Variants in PCDHGA2 observed in about 807,000 individuals in gnomAD.
The protein encoded by PCDHGA2 is protocadherin gamma-A2.
In PCDHGA2, 40 loss-of-function variants were observed where a neutral mutation model predicts 59.2. The observed-to-expected ratio is 0.68, with a 90% CI of 0.52 to 0.88. PCDHGA2 has a LOEUF of 0.88. Among genes scored for constraint, PCDHGA2 ranks in the 40% least tolerant of loss-of-function variants. The pLI is 0.00. For synonymous variants in PCDHGA2, 560 were observed against 526.0 expected, an observed-to-expected ratio of 1.06 and a Z score of -0.89; for missense variants, 1,226 against 1,204.0, an observed-to-expected ratio of 1.02 and a Z score of -0.27.
intron 1 of PCDHGA2, among the ~76,000 whole-genome samples, chr5:141,436,478 A>G (rs1360229764): frequency 2.0e-5 from 3 of 152,220 alleles, no homozygotes; most frequent in Non-Finnish European, 4.4e-5. Context: ...TGTATCATAG[A>G]AGGATAGCAG....
chr5:141,379,154 T>A (rs1446393150), intron 1 of PCDHGA2: 4 of 152,232 alleles, frequency 2.6e-5, no homozygotes, highest in Non-Finnish European at 5.9e-5. Context: ...GTAACCTGAC[T>A]TTGTCAGTCT....
chr5:141,438,627 TATATATATACACAC>T (rs1407400493), intron 1 of PCDHGA2, among the ~76,000 whole-genome samples: 2,053 of 47,724 alleles, frequency 0.043, 22 homozygotes, highest in African/African-American at 0.13. Context: ...TATATATATA[TATATATATACACAC>T]ACACACACAC....
At chr5:141,451,653 G>A (rs1440576814) in intron 1 of PCDHGA2, among the ~76,000 whole-genome samples, 2 of 152,166 alleles carry the variant, frequency 1.3e-5, no homozygotes, top group Non-Finnish European at 2.9e-5. Context: ...AGGCCAAGGA[G>A]GGTGGACTGC....
intron 1 of PCDHGA2, chr5:141,371,564 C>T (rs1767846992): frequency 6.2e-7 from 1 of 1,613,818 alleles, no homozygotes; most frequent in Non-Finnish European, 8.5e-7. Context: ...AAGGAAACTT[C>T]CCCTTTAAAA....
intron 1 of PCDHGA2, chr5:141,375,832 G>A (rs1771947844): frequency 2.5e-6 from 4 of 1,614,028 alleles, no homozygotes; most frequent in Non-Finnish European, 3.4e-6. Context: ...GCTCCGCAGA[G>A]CCCGGCTACC....
intron 1 of PCDHGA2, chr5:141,418,379 C>T: frequency 6.2e-7 from 1 of 1,613,966 alleles, no homozygotes; most frequent in Non-Finnish European, 8.5e-7. Flanking sequence ...CCAACTAAGT[C>T]CTAACGAGTA....
At chr5:141,394,019 T>C in intron 1 of PCDHGA2, 1 of 1,613,522 alleles carries the variant, frequency 6.2e-7, no homozygotes, top group Non-Finnish European at 8.5e-7. Flanking sequence ...GTAATTATTA[T>C]AGATTAGTGA....
intron 1 of PCDHGA2, chr5:141,396,092 A>G (rs1589275874): frequency 6.6e-6 from 1 of 152,314 alleles, no homozygotes; most frequent in East Asian, 1.9e-4. Context: ...AAGTGGTGAG[A>G]ATGTTGATAT....
At chr5:141,366,457 C>A (rs747734622) in intron 1 of PCDHGA2, 11 of 1,614,106 alleles carry the variant, frequency 6.8e-6, no homozygotes, top group Non-Finnish European at 6.8e-6. Flanking sequence ...CCTTCGTCAT[C>A]GTGCTGCTGG....
chr5:141,444,044 T>C (rs188266846), intron 1 of PCDHGA2, among the ~76,000 whole-genome samples: 1 of 152,098 alleles, frequency 6.6e-6, no homozygotes, highest in East Asian at 1.9e-4. Flanking sequence ...ATCAGATAAT[T>C]TGGCATCTTC....
rs748017565 is a variant in PCDHGA2 at position 141,477,404 on chromosome 5, C to G, written c.2425-17403C>G. ...AGAATACAACCTCAGCATCACCGCCCGAGACGCCGGAACCCCTTCCCTCTC... is the reference window on the plus strand; with the variant it reads ...AGAATACAACCTCAGCATCACCGCCGGAGACGCCGGAACCCCTTCCCTCTC... On this transcript the variant is annotated intron_variant, in intron 1 of 3. Coordinates refer to ENST00000394576, the MANE Select transcript of PCDHGA2 (RefSeq NM_018915.4). The surrounding 1 kb of genome is among the most constrained non-coding windows in gnomAD (Gnocchi z 4.9). The G allele has an allele frequency of 1.9e-6, 3 of 1,614,042 alleles. No homozygotes were observed. Among genetic ancestry groups the G allele is most frequent in the African/African-American group, 1.3e-5 (1 of 74,902 alleles).
rs1227250624 is a variant in PCDHGA2, at chr5:141,409,019, G to A, written c.2424+67624G>A. 4 of 1,613,996 alleles carry A rather than the reference G, an allele frequency of 2.5e-6. 1 individual carries two copies. Among genetic ancestry groups the A allele is most frequent in the Middle Eastern group, 3.3e-4 (2 of 6,062 alleles). On this transcript the variant is annotated intron_variant, in intron 1 of 3. Coordinates refer to ENST00000394576, the MANE Select transcript of PCDHGA2 (RefSeq NM_018915.4). ...GACAGCCACTGACCAGGATGAGGGG[G>A]TCAATGCTGAGATAAACTACTACTT...
chr5:141,384,360 C>T (rs1321195409), intron 1 of PCDHGA2: 2 of 1,613,902 alleles, frequency 1.2e-6, no homozygotes, highest in Non-Finnish European at 1.7e-6. Flanking sequence ...ATGCCCAGAT[C>T]ACTTATTCCT....
At chr5:141,371,594 C>T (rs1767874002) in intron 1 of PCDHGA2, 1 of 1,613,990 alleles carries the variant, frequency 6.2e-7, no homozygotes, top group Middle Eastern at 1.6e-4. Flanking sequence ...ATACCAAAAA[C>T]ACATACAGGT....
intron 1 of PCDHGA2, chr5:141,366,459 T>G (rs1764573783): frequency 6.2e-7 from 1 of 1,614,122 alleles, no homozygotes; most frequent in African/African-American, 1.3e-5. Flanking sequence ...TTCGTCATCG[T>G]GCTGCTGGTG....
At chr5:141,371,799 G>T (rs1768052133) in intron 1 of PCDHGA2, 5 of 1,613,926 alleles carry the variant, frequency 3.1e-6, no homozygotes, top group Middle Eastern at 1.6e-4. Flanking sequence ...TCCGCCTGGA[G>T]CCTCCATTGC....
intron 1 of PCDHGA2, chr5:141,374,178 G>T: frequency 1.9e-6 from 3 of 1,613,614 alleles, no homozygotes; most frequent in Non-Finnish European, 2.5e-6. Flanking sequence ...GCGCAGATCC[G>T]CTACTCTATT....
intron 1 of PCDHGA2, chr5:141,352,152 G>A: frequency 1.2e-6 from 2 of 1,612,744 alleles, no homozygotes; most frequent in Non-Finnish European, 8.5e-7. Context: ...TTGGGCGACA[G>A]GGACGCGGCC....
At chr5:141,388,513 TGA>T in intron 1 of PCDHGA2, 2 of 1,613,840 alleles carry the variant, frequency 1.2e-6, no homozygotes, top group African/African-American at 2.7e-5. Flanking sequence ...TCCTACCACT[TGA>T]CTTTGACTGC....
Sources: gnomAD v4.1 joint callset for allele counts (sites outside exome capture counted in the v4.1 genomes callset) on GRCh38, gnomAD v4.1.1 for gene constraint, Gnocchi (gnomAD v3.1) non-coding constraint, MANE v1.5 for transcripts, NCBI Gene and HGNC (gene_info 2026-07-23, HGNC 2026-07-21) for gene names.